Variants in SLC14A2 observed in about 807,000 individuals in gnomAD.
SLC14A2 encodes solute carrier family 14 member 2.
SLC14A2 carries 91 observed loss-of-function variants against 104.6 expected under a neutral mutation model. The ratio of observed to expected loss-of-function variants is 0.87; its 90% confidence interval spans 0.73 to 1.04. The LOEUF (loss-of-function observed/expected upper bound fraction) is 1.04. Among genes scored for constraint, SLC14A2 ranks in the 50% least tolerant of loss-of-function variants. SLC14A2 has a pLI of 0.00. For synonymous variants in SLC14A2, 476 were observed against 466.4 expected (o/e 1.02, Z -0.27); for missense variants, 1,189 against 1,156.0 (o/e 1.03, Z -0.41).
chr18:45,467,638 A>G (rs762670242), intron 1 of SLC14A2, among the ~76,000 whole-genome samples: 1 of 152,102 alleles, frequency 6.6e-6, no homozygotes, highest in Non-Finnish European at 1.5e-5. Context: ...ATAGATATAC[A>G]CTACTGGGAT....
intron 1 of SLC14A2, among the ~76,000 whole-genome samples, chr18:45,393,728 T>C (rs2085997355): frequency 6.6e-6 from 1 of 152,230 alleles, no homozygotes; most frequent in Non-Finnish European, 1.5e-5. Flanking sequence ...TGGATAGCTC[T>C]GGCCTGCTTT....
At chr18:45,382,462 T>C (rs2085849594) in intron 1 of SLC14A2, among the ~76,000 whole-genome samples, 1 of 152,200 alleles carries the variant, frequency 6.6e-6, no homozygotes, top group Non-Finnish European at 1.5e-5. Context: ...ATGTTAGCAT[T>C]AGTCTCCATG....
At chr18:45,551,540 C>T (rs2044056441) in intron 2 of SLC14A2, among the ~76,000 whole-genome samples, 1 of 152,158 alleles carries the variant, frequency 6.6e-6, no homozygotes, top group Admixed American at 6.5e-5. Context: ...CGATGTCAGT[C>T]CAGGCTCTCT....
chr18:45,183,906 A>ATTTTTTTTTTTTTTTTT, the SLC14A2 span, among the ~76,000 whole-genome samples: 53 of 62,720 alleles, frequency 8.5e-4, 2 homozygotes, highest in Non-Finnish European at 1.2e-3. Flanking sequence ...TAATTTTCTA[A>ATTTTTTTTTTTTTTTTT]TTTTTTTTTT....
chr18:45,583,534 CGTATACATG>C (rs895858961), intron 2 of SLC14A2, among the ~76,000 whole-genome samples: 3 of 152,042 alleles, frequency 2.0e-5, no homozygotes, highest in African/African-American at 7.3e-5. Context: ...AAAACAGTTC[CGTATACATG>C]GTATTTATTC....
At chr18:45,555,543 T>C (rs1468154009) in intron 2 of SLC14A2, among the ~76,000 whole-genome samples, 1 of 152,226 alleles carries the variant, frequency 6.6e-6, no homozygotes, top group Non-Finnish European at 1.5e-5. Flanking sequence ...CAACAGACTC[T>C]TCATGGCTGA....
intron 2 of SLC14A2, among the ~76,000 whole-genome samples, chr18:45,595,201 T>C (rs998392163): frequency 4.0e-5 from 6 of 151,364 alleles, no homozygotes; most frequent in Admixed American, 2.0e-4. Flanking sequence ...TTTGCATACA[T>C]GTTAGAGTAC....
intron 1 of SLC14A2, among the ~76,000 whole-genome samples, chr18:45,314,752 G>A (rs555142326): frequency 8.3e-4 from 127 of 152,308 alleles, no homozygotes; most frequent in African/African-American, 3.0e-3. Flanking sequence ...CAACAATGTT[G>A]TAATGTCCTT....
chr18:45,538,223 G>A (rs1418514532), intron 2 of SLC14A2, among the ~76,000 whole-genome samples: 1 of 152,200 alleles, frequency 6.6e-6, no homozygotes, highest in East Asian at 1.9e-4. Context: ...CAGCCAGGCA[G>A]CCTCATTGAT....
At chr18:45,316,042 AG>A (rs1167546865) in intron 1 of SLC14A2, among the ~76,000 whole-genome samples, 8 of 152,160 alleles carry the variant, frequency 5.3e-5, no homozygotes, top group Non-Finnish European at 1.2e-4. Context: ...TGGAAGAAGT[AG>A]GGGGCTATTC....
At chr18:45,680,977 G>T (rs758900727) in intron 19 of SLC14A2, among the ~76,000 whole-genome samples, 1 of 151,804 alleles carries the variant, frequency 6.6e-6, no homozygotes, top group Middle Eastern at 3.2e-3. Flanking sequence ...TCCCCAAGAC[G>T]CACCCAACGG....
chr18:45,547,269 C>T (rs186346854), intron 2 of SLC14A2, among the ~76,000 whole-genome samples: 3 of 152,248 alleles, frequency 2.0e-5, no homozygotes, highest in African/African-American at 7.2e-5. Context: ...ACCAGAGAAC[C>T]TCATTCCCAC....
chr18:45,463,496 G>A (rs1243175549), intron 1 of SLC14A2, among the ~76,000 whole-genome samples: 2 of 152,212 alleles, frequency 1.3e-5, no homozygotes. Flanking sequence ...CCATTATTAC[G>A]TAAAGGCCAC....
At chr18:45,237,872 T>C (rs981922328) in intron 1 of SLC14A2, among the ~76,000 whole-genome samples, 1 of 152,156 alleles carries the variant, frequency 6.6e-6, no homozygotes, top group African/African-American at 2.4e-5. Context: ...TCCATTGTGG[T>C]TGGTAGTATG....
the SLC14A2 span, among the ~76,000 whole-genome samples, chr18:45,182,881 G>A: frequency 1.3e-5 from 2 of 152,156 alleles, no homozygotes; most frequent in African/African-American, 4.8e-5. Context: ...TCAATCTGAA[G>A]TGATTCTAGA....
intron 2 of SLC14A2, among the ~76,000 whole-genome samples, chr18:45,498,048 TAAG>T (rs1255222742): frequency 6.6e-6 from 1 of 151,948 alleles, no homozygotes; most frequent in Non-Finnish European, 1.5e-5. Flanking sequence ...AAAAGTAAAA[TAAG>T]AGGAAGATTC....
chr18:45,179,040 AAC>A, the SLC14A2 span, among the ~76,000 whole-genome samples: 2 of 152,186 alleles, frequency 1.3e-5, no homozygotes, highest in Non-Finnish European at 2.9e-5. Flanking sequence ...GATATAGGTA[AAC>A]AGTCTTTAAT....
chr18:45,446,769 T>G (rs755756340), intron 1 of SLC14A2, among the ~76,000 whole-genome samples: 1 of 152,096 alleles, frequency 6.6e-6, no homozygotes, highest in African/African-American at 2.4e-5. Context: ...CTGAAATGAA[T>G]AGGGGGTTAG....
chr18:45,619,402 T>A (rs1337602004), intron 1 of SLC14A2, among the ~76,000 whole-genome samples: 1 of 152,184 alleles, frequency 6.6e-6, no homozygotes, highest in Non-Finnish European at 1.5e-5. Context: ...CTTCCAGCAA[T>A]GATCCCTCCA....
Sources: allele counts gnomAD v4.1 joint callset (sites outside exome capture counted in the v4.1 genomes callset), GRCh38; gene constraint gnomAD v4.1.1; transcripts MANE v1.5; gene names NCBI Gene and HGNC (gene_info 2026-07-23, HGNC 2026-07-21).